Variants in AACS observed in about 807,000 individuals in gnomAD.
AACS encodes acetoacetyl-CoA synthetase, also known as acetoacetate-CoA ligase.
A neutral mutation model predicts 83.1 loss-of-function variants in AACS; 69 were observed. The observed-to-expected ratio is 0.83, with a 90% CI of 0.68 to 1.01. AACS has a LOEUF of 1.01. AACS is among the 50% of genes least tolerant of loss of function. The pLI is 0.00. For synonymous variants in AACS, 333 were observed against 343.4 expected (o/e 0.97, Z 0.33); for missense variants, 866 against 882.2 (o/e 0.98, Z 0.23).
chr12:125,079,293 C>T (rs1005545514), intron 3 of AACS, among the ~76,000 whole-genome samples: 3 of 152,070 alleles, frequency 2.0e-5, no homozygotes, highest in African/African-American at 7.2e-5. Context: ...TGGGTGATCC[C>T]GTGGTGACCT....
At chr12:125,086,801 G>A (rs948150351) in intron 4 of AACS, among the ~76,000 whole-genome samples, 2 of 151,964 alleles carry the variant, frequency 1.3e-5, no homozygotes, top group East Asian at 3.9e-4. Flanking sequence ...CTTGCTGGAG[G>A]GATGAAGGCC....
chr12:125,088,677 A>T (rs1956394462), intron 4 of AACS, among the ~76,000 whole-genome samples: 1 of 152,222 alleles, frequency 6.6e-6, no homozygotes, highest in Non-Finnish European at 1.5e-5. Flanking sequence ...TCATTTAAAA[A>T]AATCTTTTGA....
chr12:125,065,502 C>T lies in AACS; in HGVS notation c.-83C>T. The T allele has an allele frequency of 2.2e-6, 3 of 1,333,954 alleles. No individual in the cohort carries two copies. Among genetic ancestry groups the T allele is most frequent in the African/African-American group, 1.5e-5 (1 of 64,558 alleles). 82.6% of individuals were successfully genotyped at this position (1,333,954 alleles called of 1,614,324 possible). ...CAGGCGCTCCTGACCGTCGCTTCCT[C>T]CGGTCCCAGGTCCCCGGCCCTCGCC... On this transcript the variant is annotated 5_prime_UTR_variant, in exon 1 of 18. Transcript: ENST00000316519.
rs141423003 is a variant in AACS at position 125,128,071 on chromosome 12, T to C, written c.1310-90T>C. 7.3e-5 allele frequency: 67 copies of C among 918,374 alleles called. 1 individual carries two copies. In the East Asian group the frequency reaches 8.0e-4, roughly 11 times the overall value. The allele number at this position is 918,374 out of a possible 1,614,324, so 56.9% of individuals were successfully genotyped here. On this transcript the variant is annotated intron_variant, in intron 12 of 17. Coordinates refer to ENST00000316519, the MANE Select transcript of AACS (RefSeq NM_023928.5). ...TGTCTGGGAGAGTAGATATTTGTCC[T>C]CTTGGCACCTTCTCCTTTGTTGCTC...
intron 17 of AACS, chr12:125,138,949 C>T (rs1291541718): frequency 8.5e-6 from 1 of 118,268 alleles, no homozygotes. Context: ...ACTGAGGTCT[C>T]ATCTGCAAAG....
Position 125,129,086 on chromosome 12 carries a change from A to G in AACS, c.1424-249A>G. The G allele has an allele frequency of 2.6e-6, 1 of 379,606 alleles. No individual in the cohort carries two copies. Among genetic ancestry groups the G allele is most frequent in the Non-Finnish European group, 4.7e-6 (1 of 211,312 alleles). 23.5% of individuals were successfully genotyped at this position (379,606 alleles called of 1,614,324 possible). ...TGCGTGTGGATGGAGCAGAAATGTT[A>G]ACACACATGGGAATAACAAATCACT... is the stretch of plus-strand genomic sequence containing the variant. On this transcript the variant is annotated intron_variant, in intron 13 of 17. Transcript: ENST00000316519. This position sits in a 1 kb window ranked among gnomAD's most constrained non-coding sequence, Gnocchi z 4.3.
At position 125,142,481 on chromosome 12, in the gene AACS, T is replaced by C. The variant is rs535542268; in HGVS notation, c.*252T>C. The C allele has an allele frequency of 1.3e-4, 67 of 516,946 alleles. No individual in the cohort carries two copies. Among genetic ancestry groups the C allele is most frequent in the Non-Finnish European group, 1.8e-4 (52 of 289,340 alleles). 32.0% of individuals were successfully genotyped at this position (516,946 alleles called of 1,614,324 possible). ...CGCAGGTGTGGCACTGTGGTGAGAGTGTGTGTCTTTGCACACACAGTGCAG... is the reference window on the plus strand; with the variant it reads ...CGCAGGTGTGGCACTGTGGTGAGAGCGTGTGTCTTTGCACACACAGTGCAG... On this transcript the variant is annotated 3_prime_UTR_variant, in exon 18 of 18. Transcript: ENST00000316519.
chr12:125,098,195 A>T (rs114913041), intron 5 of AACS, among the ~76,000 whole-genome samples: 1,548 of 152,150 alleles, frequency 0.01, 29 homozygotes, highest in African/African-American at 0.035. Flanking sequence ...TTTGGGAGGC[A>T]GAGGCGGATG....
chr12:125,115,897 A>G (rs1372201790), intron 9 of AACS, among the ~76,000 whole-genome samples: 2 of 151,670 alleles, frequency 1.3e-5, no homozygotes, highest in Admixed American at 6.6e-5. Context: ...CCTCACACAT[A>G]CACCCGTGCA....
intron 9 of AACS, chr12:125,117,917 G>T (rs772768011): frequency 6.6e-6 from 1 of 152,042 alleles, no homozygotes; most frequent in Non-Finnish European, 1.5e-5. Flanking sequence ...TTAGGAGGTC[G>T]AGGCTGCAGT....
At chr12:125,141,999 G>T in intron 17 of AACS, 93 bp from the exon 18 acceptor site, 1 of 1,522,352 alleles carries the variant, frequency 6.6e-7, no homozygotes, top group Non-Finnish European at 9.0e-7. Context: ...ACTCCAGGTG[G>T]AGCTGGGCCT....
At chr12:125,133,686 G>A (rs527452161) in intron 14 of AACS, among the ~76,000 whole-genome samples, 216 of 152,356 alleles carry the variant, frequency 1.4e-3, no homozygotes, top group Non-Finnish European at 2.4e-3. Context: ...ACTCAGGGTT[G>A]TCTCCAGACA....
At chr12:125,076,361 G>C (rs1956020885) in intron 2 of AACS, 130 bp from the exon 3 acceptor site, 6 of 1,263,768 alleles carry the variant, frequency 4.7e-6, no homozygotes, top group Non-Finnish European at 5.5e-6. Flanking sequence ...AAAATGCTCT[G>C]GGCCAATGAG....
intron 4 of AACS, among the ~76,000 whole-genome samples, chr12:125,087,837 A>C (rs977687621): frequency 5.3e-5 from 8 of 152,188 alleles, no homozygotes; most frequent in Non-Finnish European, 1.2e-4. Flanking sequence ...GTTAGTGCTC[A>C]GCGTTTGGTA....
chr12:125,137,854 C>G (rs1455193128), intron 17 of AACS, among the ~76,000 whole-genome samples: 1 of 152,220 alleles, frequency 6.6e-6, no homozygotes, highest in Non-Finnish European at 1.5e-5. Flanking sequence ...CACACACTCA[C>G]TGGGTTCCCA....
chr12:125,121,262 C>G (rs113992413), intron 10 of AACS: 2 of 152,442 alleles, frequency 1.3e-5, no homozygotes, highest in African/African-American at 4.8e-5. Context: ...CTACACTGGT[C>G]GCCACCAGCA....
chr12:125,076,684 A>G, intron 3 of AACS, 73 bp downstream of exon 3: 1 of 1,578,854 alleles, frequency 6.3e-7, no homozygotes, highest in Non-Finnish European at 8.6e-7. Context: ...GGTGCCACAT[A>G]TTTGGAGAGA....
At position 125,091,441 on chromosome 12, in the gene AACS, G is replaced by C; in HGVS notation, c.488G>C (p.Ser163Thr). ...GDRVVGYLPN[S>T]EHAVEAMLAA... ...TTCTCCACAGGTTATTTACCCAACAGTGAGCACGCTGTCGAGGCGATGCTG... is the reference window on the plus strand; with the variant it reads ...TTCTCCACAGGTTATTTACCCAACACTGAGCACGCTGTCGAGGCGATGCTG... Residue 163 changes from serine (S) to threonine (T), a missense_variant, in exon 5 of 18, where the codon AGT (serine) becomes ACT (threonine). Ser to Thr is a moderately conservative substitution (Grantham distance 58). Transcript: ENST00000316519. 6.2e-7 allele frequency: 1 copy of C among 1,614,256 alleles called. No homozygotes were observed. Among genetic ancestry groups the C allele is most frequent in the Non-Finnish European group, 8.5e-7 (1 of 1,180,048 alleles).
In AACS at chr12:125,136,700, C is replaced by A; in HGVS notation, c.1717C>A (p.Pro573Thr). ...FEEVEDSLCVPQYNKYREERV... is the reference protein window; with the variant it reads ...FEEVEDSLCVTQYNKYREERV... The stretch of plus-strand genomic sequence containing the variant: ...GGAGGTGGAGGACAGCCTGTGTGTC[C>A]CCCAGTATAACAAGTACAGGGAGGA... The change falls in exon 17 of 18, where the codon CCC (proline) becomes ACC (threonine). Residue 573 changes from proline to threonine, a missense_variant. Coordinates refer to ENST00000316519, the MANE Select transcript of AACS (RefSeq NM_023928.5). 1 of 1,614,060 alleles carries A rather than the reference C, an allele frequency of 6.2e-7. No individual in the cohort carries two copies. Among genetic ancestry groups the A allele is most frequent in the Non-Finnish European group, 8.5e-7 (1 of 1,180,030 alleles).
Sources: allele counts gnomAD v4.1 joint callset (sites outside exome capture counted in the v4.1 genomes callset), GRCh38; gene constraint gnomAD v4.1.1; non-coding constraint Gnocchi (gnomAD v3.1); transcripts MANE v1.5; gene names NCBI Gene and HGNC (gene_info 2026-07-23, HGNC 2026-07-21).